Variants in ARHGEF4 observed in about 807,000 individuals in gnomAD.
ARHGEF4 encodes the protein APC-stimulated guanine nucleotide exchange factor 1.
In ARHGEF4, 119 loss-of-function variants were observed where a neutral mutation model predicts 162.0. The observed-to-expected ratio is 0.73, with a 90% CI of 0.63 to 0.86. ARHGEF4 has a LOEUF of 0.86. Among genes scored for constraint, ARHGEF4 ranks in the 40% least tolerant of loss-of-function variants. ARHGEF4 has a pLI of 0.00. For missense variants in ARHGEF4, 2,488 were observed against 2,456.0 expected (o/e 1.01, Z -0.28); for synonymous variants, 1,014 against 979.9 (o/e 1.03, Z -0.65).
chr2:130,854,597 G>A (rs1681628831), intron 1 of ARHGEF4, among the ~76,000 whole-genome samples: 1 of 152,210 alleles, frequency 6.6e-6, no homozygotes, highest in South Asian at 2.1e-4. Context: ...CCACGCTATA[G>A]GGTGGAGGCC....
At chr2:130,975,552 A>G (rs1685647707) in intron 4 of ARHGEF4, among the ~76,000 whole-genome samples, 1 of 151,944 alleles carries the variant, frequency 6.6e-6, no homozygotes, top group Non-Finnish European at 1.5e-5. Context: ...TGCCTGCCCC[A>G]CTTTGCCTTG....
intron 1 of ARHGEF4, chr2:130,837,577 T>G: frequency 2.2e-6 from 1 of 449,134 alleles, no homozygotes; most frequent in South Asian, 1.6e-5. Flanking sequence ...CCGCTCACCA[T>G]CCGGGACCCA....
Position 131,043,588 on chromosome 2 carries a change from C to T in ARHGEF4, c.5157+5C>T. Reference sequence around the variant, plus strand: ...CAGCTCATCTACTGTAAGAAGGTACCAGAGCTGCTCTGCCCTGCTGCCCCA... The same window carrying T: ...CAGCTCATCTACTGTAAGAAGGTACTAGAGCTGCTCTGCCCTGCTGCCCCA... On this transcript the variant is annotated splice_donor_5th_base_variant and intron_variant, in intron 11 of 13. Coordinates refer to ENST00000409359, the MANE Select transcript of ARHGEF4 (RefSeq NM_001367493.1). The T allele has an allele frequency of 6.2e-7, 1 of 1,613,850 alleles. No individual in the cohort carries two copies. Among genetic ancestry groups the T allele is most frequent in the Non-Finnish European group, 8.5e-7 (1 of 1,179,938 alleles).
chr2:131,011,545 C>G, intron 4 of ARHGEF4: 1 of 1,316,242 alleles, frequency 7.6e-7, no homozygotes, highest in Non-Finnish European at 1.0e-6. Context: ...ATCAGGACCT[C>G]AAGCATGTGC....
At chr2:131,020,776 C>T (rs1274844630) in intron 4 of ARHGEF4, among the ~76,000 whole-genome samples, 1 of 152,166 alleles carries the variant, frequency 6.6e-6, no homozygotes, top group Non-Finnish European at 1.5e-5. Flanking sequence ...CACTGACTTC[C>T]ACAATGGTTA....
intron 1 of ARHGEF4, among the ~76,000 whole-genome samples, chr2:130,889,938 T>C (rs958888075): frequency 2.0e-5 from 3 of 152,162 alleles, no homozygotes; most frequent in Admixed American, 6.5e-5. Flanking sequence ...CTGGCTCCTA[T>C]TGATGCTCTT....
intron 3 of ARHGEF4, among the ~76,000 whole-genome samples, chr2:130,945,049 G>T (rs1683518634): frequency 6.6e-6 from 1 of 152,092 alleles, no homozygotes; most frequent in Non-Finnish European, 1.5e-5. Flanking sequence ...GCCCCTGTGG[G>T]ACCTGAAATA....
intron 3 of ARHGEF4, among the ~76,000 whole-genome samples, chr2:130,940,823 C>T (rs1206016949): frequency 7.8e-6 from 1 of 128,830 alleles, no homozygotes; most frequent in Non-Finnish European, 1.6e-5. Context: ...CAGAGCGAGA[C>T]TCCGTCTCAA....
At chr2:131,011,853 G>A (rs1487800079) in intron 4 of ARHGEF4, 1 of 711,584 alleles carries the variant, frequency 1.4e-6, no homozygotes, top group Non-Finnish European at 2.5e-6. Context: ...AGGTTCTTGT[G>A]TCACTCCGTG....
Position 130,916,692 on chromosome 2 carries a change from T to C in ARHGEF4, c.2746T>C (p.Phe916Leu). 1 of 1,550,570 alleles carries C rather than the reference T, an allele frequency of 6.4e-7. No individual in the cohort carries two copies. Among genetic ancestry groups the C allele is most frequent in the South Asian group, 1.2e-5 (1 of 84,058 alleles). The change falls in exon 2 of 14, where the codon TTT becomes CTT. Residue 916 changes from phenylalanine to leucine, a missense_variant. Physicochemically the swap from Phe to Leu is conservative, Grantham distance 22. Coordinates refer to ENST00000409359, the MANE Select transcript of ARHGEF4 (RefSeq NM_001367493.1). ...RARLALAHKT[F>L]SNFIESIVLE... The stretch of plus-strand genomic sequence containing the variant: ...AAGGTTGGCCTTGGCTCATAAGACC[T>C]TTTCAAACTTTATTGAGTCAATAGT...
chr2:130,850,059 G>A (rs1681292505), intron 1 of ARHGEF4, among the ~76,000 whole-genome samples: 1 of 152,166 alleles, frequency 6.6e-6, no homozygotes, highest in South Asian at 2.1e-4. Flanking sequence ...ATCCCAGGGA[G>A]GTCCCAAGCC....
At position 130,916,438 on chromosome 2, in the gene ARHGEF4, G is replaced by A. The variant is rs941127293; in HGVS notation, c.2492G>A (p.Gly831Glu). The change falls in exon 2 of 14, where the codon GGG (glycine) becomes GAG (glutamate). Residue 831 changes from glycine (G) to glutamate (E), a missense_variant. Physicochemically the swap from Gly to Glu is moderately conservative, Grantham distance 98. This residue lies in a region of ARHGEF4 where 1,642 missense variants were observed against 1,481.5 expected (regional missense o/e 1.11). Transcript: ENST00000409359. ...GRRWGSSGPE[G>E]LPRENPPAAA... ...CGCTGGGGCTCTTCAGGCCCCGAGGGGCTCCCCAGGGAGAATCCGCCCGCT... is the reference window on the plus strand; with the variant it reads ...CGCTGGGGCTCTTCAGGCCCCGAGGAGCTCCCCAGGGAGAATCCGCCCGCT... 17 of 1,538,986 alleles carry A rather than the reference G, an allele frequency of 1.1e-5. No individual in the cohort carries two copies. Among genetic ancestry groups the A allele is most frequent in the East Asian group, 2.5e-5 (1 of 40,804 alleles).
In ARHGEF4 at chr2:131,041,377, G is replaced by A. The variant is rs1364621199; in HGVS notation, c.4810G>A (p.Gly1604Ser). ...GAAGATGATTGACATCTCCCTGGAT[G>A]GCTTCCTGCTGACTCCGGTGCAGAA... ...LQKMIDISLD[G>S]FLLTPVQKIC... Residue 1604 changes from glycine (G) to serine (S), a missense_variant, in exon 9 of 14, where the codon GGC becomes AGC. Gly to Ser is a moderately conservative substitution (Grantham distance 56, BLOSUM62 0). Coordinates refer to ENST00000409359, the MANE Select transcript of ARHGEF4 (RefSeq NM_001367493.1). The A allele has an allele frequency of 6.2e-7, 1 of 1,613,514 alleles. No individual in the cohort carries two copies. Among genetic ancestry groups the A allele is most frequent in the Non-Finnish European group, 8.5e-7 (1 of 1,180,032 alleles).
intron 5 of ARHGEF4, among the ~76,000 whole-genome samples, chr2:131,033,042 G>A (rs1263528590): frequency 6.6e-6 from 1 of 151,842 alleles, no homozygotes; most frequent in Non-Finnish European, 1.5e-5. Flanking sequence ...TTGTAGAGAT[G>A]GAGTTTCACT....
At chr2:130,953,901 C>A (rs2105169234) in intron 4 of ARHGEF4, among the ~76,000 whole-genome samples, 1 of 152,306 alleles carries the variant, frequency 6.6e-6, no homozygotes, top group African/African-American at 2.4e-5. Context: ...AGTCAGGAAA[C>A]AACAGGTGTT....
intron 4 of ARHGEF4, among the ~76,000 whole-genome samples, chr2:131,013,262 T>A (rs1446184879): frequency 6.6e-6 from 1 of 152,218 alleles, no homozygotes; most frequent in Non-Finnish European, 1.5e-5. Context: ...TGTAATTATC[T>A]ATTAGGCATT....
chr2:130,913,676 T>A (rs1046223342), intron 1 of ARHGEF4, among the ~76,000 whole-genome samples: 2 of 152,246 alleles, frequency 1.3e-5, no homozygotes, highest in African/African-American at 4.8e-5. Flanking sequence ...GATATGCTTT[T>A]CGCCATGACT....
At chr2:130,855,019 G>A (rs1200577262) in intron 1 of ARHGEF4, among the ~76,000 whole-genome samples, 7 of 151,382 alleles carry the variant, frequency 4.6e-5, no homozygotes, top group Non-Finnish European at 8.8e-5. Flanking sequence ...GACAACAGGC[G>A]CCCGCGACCA....
intron 3 of ARHGEF4, among the ~76,000 whole-genome samples, chr2:130,934,888 A>C (rs1201964197): frequency 1.3e-5 from 2 of 151,950 alleles, no homozygotes; most frequent in African/African-American, 4.8e-5. Context: ...TGTTTTTCTT[A>C]AGAATTTCTC....
Sources: gnomAD v4.1 joint callset for allele counts (sites outside exome capture counted in the v4.1 genomes callset) on GRCh38, gnomAD v4.1.1 for gene constraint, gnomAD v4.1.1 regional missense constraint, MANE v1.5 for transcripts, NCBI Gene and HGNC (gene_info 2026-07-23, HGNC 2026-07-21) for gene names.